The following C1orf53 variants were observed in gnomAD, a reference collection of about 807,000 sequenced individuals.
C1orf53 encodes the protein uncharacterized protein C1orf53.
In C1orf53, 23 loss-of-function variants were observed where a neutral mutation model predicts 17.5. That is an observed-to-expected ratio of 1.31 (90% CI 0.94 to 1.86). The LOEUF is 1.86. Among genes scored for constraint, C1orf53 ranks in the 40% most tolerant of loss-of-function variants. The probability of loss-of-function intolerance (pLI) is 0.00; values close to 1 mark genes in which losing one functional copy is unlikely to be tolerated. For synonymous variants in C1orf53, 108 were observed against 81.9 expected (o/e 1.32, Z -1.72); for missense variants, 255 against 193.2 (o/e 1.32, Z -1.89).
rs776434766 is a variant in C1orf53 at position 197,902,850 on chromosome 1, G to A, written c.201G>A (p.Ser67=). Residue 67 remains serine, a synonymous_variant, in exon 1 of 3, where the codon TCG becomes TCA. Coordinates refer to ENST00000367393, the MANE Select transcript of C1orf53 (RefSeq NM_001024594.3). ...PGRPERAARP[S]VSEELTAAER... is the part of the protein sequence containing the mutation. Reference sequence around the variant, plus strand: ...GGCCGGAGAGAGCGGCGAGGCCTTCGGTGAGCGAAGAGTTAACCGCGGCGG... The same window carrying A: ...GGCCGGAGAGAGCGGCGAGGCCTTCAGTGAGCGAAGAGTTAACCGCGGCGG... The A allele has an allele frequency of 1.9e-6, 3 of 1,546,844 alleles. No homozygotes were observed. The highest frequency in any genetic ancestry group is 3.8e-5 in the Admixed American group (2 of 53,202).
Position 197,905,779 on chromosome 1 carries a change from A to C in C1orf53, c.265-17A>C, listed in dbSNP as rs752847353. ...AATATTGAGATTAATGAATTGTTTC[A>C]TTTTATTGCACTTCAGGCTGGCCAG... On this transcript the variant is annotated splice_polypyrimidine_tract_variant and intron_variant, in intron 1 of 2. Coordinates refer to ENST00000367393, the MANE Select transcript of C1orf53 (RefSeq NM_001024594.3). The C allele has an allele frequency of 6.5e-7, 1 of 1,536,380 alleles. No homozygotes were observed. The highest frequency in any genetic ancestry group is 1.4e-5 in the African/African-American group (1 of 73,262).
chr1:197,905,680 G>A, intron 1 of C1orf53, 116 bp from the exon 2 acceptor site: 1 of 706,194 alleles, frequency 1.4e-6, no homozygotes. Context: ...AAAACTGCTG[G>A]GAAGAAGTTT....
At chr1:197,903,105 CTG>C (rs949253086) in intron 1 of C1orf53, among the ~76,000 whole-genome samples, 192 bp downstream of exon 1, 4 of 152,230 alleles carry the variant, frequency 2.6e-5, no homozygotes, top group African/African-American at 9.6e-5. Flanking sequence ...CGCGGGAAAC[CTG>C]TGTCTGTCTT....
In C1orf53 at chr1:197,902,984, C is replaced by T. The variant is rs192916279; in HGVS notation, c.264+71C>T. ...GCTCGGCGCGCCTGCGCATCCCGGG[C>T]CTCTCCGGACCCGGAGGCCGCCCGG... is the stretch of plus-strand genomic sequence containing the variant. On this transcript the variant is annotated intron_variant, in intron 1 of 2. Transcript: ENST00000367393. The T allele has an allele frequency of 1.3e-3, 1,651 of 1,280,200 alleles. 14 individuals are homozygous for T. In the African/African-American group the frequency reaches 0.023, roughly 18 times the overall value. The allele number at this position is 1,280,200 out of a possible 1,614,324, so 79.3% of individuals were successfully genotyped here.
chr1:197,904,655 C>T (rs927247152), intron 1 of C1orf53, among the ~76,000 whole-genome samples: 3 of 152,210 alleles, frequency 2.0e-5, no homozygotes, highest in Non-Finnish European at 4.4e-5. Context: ...AAGTCTCTCT[C>T]AGACCAGCCT....
At position 197,907,219 on chromosome 1, in the gene C1orf53, G is replaced by A. The variant is rs1048424008; in HGVS notation, c.437G>A (p.Ter146=). ...KKQFNSYFYV[*] ...CAATTCAATTCATATTTTTATGTTT[G>A]ACAAGAATTTCATCTCTGTTCCCTA... Residue 146 remains the stop codon, a stop_retained_variant, in exon 3 of 3, where the codon TGA becomes TAA. Transcript: ENST00000367393. 4 of 1,546,928 alleles carry A rather than the reference G, an allele frequency of 2.6e-6. No homozygotes were observed. The African/African-American group carries it at 4.1e-5, about 16-fold the overall frequency.
At chr1:197,902,997 G>T in intron 1 of C1orf53, 84 bp downstream of exon 1, 2 of 1,240,322 alleles carry the variant, frequency 1.6e-6, no homozygotes, top group Non-Finnish European at 2.0e-6. Flanking sequence ...CTCCGGACCC[G>T]GAGGCCGCCC....
rs556555241 is a variant in C1orf53 at position 197,905,916 on chromosome 1, A to G, written c.366+19A>G. On this transcript the variant is annotated intron_variant, in intron 2 of 2. Coordinates refer to ENST00000367393, the MANE Select transcript of C1orf53 (RefSeq NM_001024594.3). ...CAGACATGTGAGTAGCAATTCTTGC[A>G]TTACAGCAGCAGTTTGCGGTGCTTC... The G allele has an allele frequency of 3.6e-5, 56 of 1,567,388 alleles. No homozygotes were observed. The East Asian group carries it at 1.2e-3, about 34-fold the overall frequency.
intron 1 of C1orf53, among the ~76,000 whole-genome samples, chr1:197,904,441 C>A (rs970791553): frequency 6.6e-6 from 1 of 152,160 alleles, no homozygotes. Context: ...AGATAATTGC[C>A]CTCAGAAGAC....
chr1:197,906,880 A>G (rs543248002), intron 2 of C1orf53, among the ~76,000 whole-genome samples: 1 of 152,324 alleles, frequency 6.6e-6, no homozygotes, highest in East Asian at 1.9e-4. Context: ...AGCTTTTTGT[A>G]AATTGAGGAT....
chr1:197,903,018 A>G (rs748603189), intron 1 of C1orf53, 105 bp downstream of exon 1: 2 of 1,100,126 alleles, frequency 1.8e-6, no homozygotes, highest in Non-Finnish European at 2.4e-6. Context: ...GGCAGAGGCA[A>G]AGGTTGCTGG....
At chr1:197,905,561 T>C (rs1319384605) in intron 1 of C1orf53, 1 of 435,248 alleles carries the variant, frequency 2.3e-6, no homozygotes, top group Non-Finnish European at 4.1e-6. Context: ...TTCTTGTTTT[T>C]CCATCAACTT....
In C1orf53 at chr1:197,905,854, C is replaced by T; in HGVS notation, c.323C>T (p.Ala108Val). The T allele has an allele frequency of 6.2e-7, 1 of 1,613,828 alleles. No homozygotes were observed. The highest frequency in any genetic ancestry group is 1.1e-5 in the South Asian group (1 of 91,078). Reference sequence around the variant, plus strand: ...GGCTATGTGGTGCTCACACAGATTGCCCACTTGCAAAGAGGTGAATGTTGT... The same window carrying T: ...GGCTATGTGGTGCTCACACAGATTGTCCACTTGCAAAGAGGTGAATGTTGT... ...ATGYVVLTQI[A>V]HLQRGECCGS... Residue 108 changes from alanine to valine, a missense_variant, in exon 2 of 3, where the codon GCC (alanine) becomes GTC (valine). By Grantham distance (64) the Ala-to-Val change is moderately conservative. Transcript: ENST00000367393.
At position 197,902,871 on chromosome 1, in the gene C1orf53, GGCGGAGCGACAGATC is replaced by G. The variant is rs1346420013; in HGVS notation, c.230_244del (p.Arg77_Glu81del). Reference sequence around the variant, plus strand: ...CTTCGGTGAGCGAAGAGTTAACCGCGGCGGAGCGACAGATCGCGGAGCTGCACGCTGCCGCCTGCG... The same window carrying G: ...CTTCGGTGAGCGAAGAGTTAACCGCGGCGGAGCTGCACGCTGCCGCCTGCG... On this transcript the variant is annotated inframe_deletion, in exon 1 of 3. Transcript: ENST00000367393. The G allele has an allele frequency of 4.6e-6, 7 of 1,519,324 alleles. No homozygotes were observed. The highest frequency in any genetic ancestry group is 1.8e-6 in the Non-Finnish European group (2 of 1,139,310). The allele number at this position is 1,519,324 out of a possible 1,614,324, so 94.1% of individuals were successfully genotyped here.
At chr1:197,905,238 C>G (rs1251219284) in intron 1 of C1orf53, among the ~76,000 whole-genome samples, 1 of 150,096 alleles carries the variant, frequency 6.7e-6, no homozygotes, top group Non-Finnish European at 1.5e-5. Context: ...ACTAATAACA[C>G]ACCAGCAAAA....
chr1:197,905,471 A>T, intron 1 of C1orf53: 1 of 173,526 alleles, frequency 5.8e-6, no homozygotes, highest in Admixed American at 6.3e-5. Context: ...CATTTAAATC[A>T]CCTGTTATTA....
rs1571766339 is a variant in C1orf53 at position 197,902,809 on chromosome 1, C to G, written c.160C>G (p.Pro54Ala). Residue 54 changes from proline (P) to alanine (A), a missense_variant, in exon 1 of 3, where the codon CCC (proline) becomes GCC (alanine). Physicochemically the swap from Pro to Ala is conservative, Grantham distance 27 (BLOSUM62 -1). Transcript: ENST00000367393. ...CGAGGGAAACTGCGGCGGCTCCGCG[C>G]CCAGCACGCCCGGTAGGCCGGAGAG... is the stretch of plus-strand genomic sequence containing the variant. ...ANEGNCGGSAPSTPGRPERAA... is the reference protein window; with the variant it reads ...ANEGNCGGSAASTPGRPERAA... The G allele has an allele frequency of 6.3e-7, 1 of 1,575,286 alleles. No individual in the cohort carries two copies. The highest frequency in any genetic ancestry group is 2.4e-5 in the East Asian group (1 of 41,636).
Position 197,907,184 on chromosome 1 carries a change from TA to T in C1orf53, c.407del (p.Lys136ArgfsTer19). On this transcript the variant is annotated frameshift_variant, in exon 3 of 3. Transcript: ENST00000367393. LOFTEE classifies it high-confidence loss of function. ...YGQVNVKDPSKKKQFNSYFYV is the reference protein window; with the variant it reads ...YGQVNVKDPSXKKQFNSYFYV ...GTCAAGTCAATGTTAAAGATCCATC[TA>T]AAAAGAAGCAATTCAATTCATATTT... The T allele has an allele frequency of 6.3e-7, 1 of 1,584,576 alleles. No homozygotes were observed. The highest frequency in any genetic ancestry group is 8.6e-7 in the Non-Finnish European group (1 of 1,157,284).
At position 197,902,740 on chromosome 1, in the gene C1orf53, G is replaced by C; in HGVS notation, c.91G>C (p.Ala31Pro). The change falls in exon 1 of 3, where the codon GCT becomes CCT. Residue 31 changes from alanine (A) to proline (P), a missense_variant. Physicochemically the swap from Ala to Pro is conservative, Grantham distance 27 (BLOSUM62 -1). Coordinates refer to ENST00000367393, the MANE Select transcript of C1orf53 (RefSeq NM_001024594.3). ...APPPAPLWVR[A>P]GFRQQLSLTL... ...GCCGCCAGCACCTCTCTGGGTAAGAGCTGGGTTCCGACAGCAGCTCAGCTT... is the reference window on the plus strand; with the variant it reads ...GCCGCCAGCACCTCTCTGGGTAAGACCTGGGTTCCGACAGCAGCTCAGCTT... 1 of 1,565,314 alleles carries C rather than the reference G, an allele frequency of 6.4e-7. No individual in the cohort carries two copies. Among genetic ancestry groups the C allele is most frequent in the Admixed American group, 1.8e-5 (1 of 55,788 alleles).
Sources: gnomAD v4.1 joint callset for allele counts (sites outside exome capture counted in the v4.1 genomes callset) on GRCh38, gnomAD v4.1.1 for gene constraint, MANE v1.5 for transcripts, NCBI Gene and HGNC (gene_info 2026-07-23, HGNC 2026-07-21) for gene names.